Variants in IL36B observed in about 807,000 individuals in gnomAD.
The protein encoded by IL36B is interleukin 36 beta.
IL36B carries 23 observed loss-of-function variants against 19.3 expected under a neutral mutation model. That is an observed-to-expected ratio of 1.19 (90% confidence interval 0.86 to 1.69). The LOEUF (loss-of-function observed/expected upper bound fraction) is 1.69, where lower values mean the gene tolerates loss of function less well. Among genes scored for constraint, IL36B ranks in the 40% most tolerant of loss-of-function variants. The probability of loss-of-function intolerance (pLI) is 0.00; values close to 1 mark genes in which losing one functional copy is unlikely to be tolerated. For missense variants in IL36B, 217 were observed against 200.5 expected (o/e 1.08, Z -0.50); for synonymous variants, 59 against 59.7 (o/e 0.99, Z 0.05).
At chr2:113,029,109 T>C (rs764574217) in intron 3 of IL36B, 31 bp from the exon 4 acceptor site, 1 of 1,603,602 alleles carries the variant, frequency 6.2e-7, no homozygotes, top group Admixed American at 1.7e-5. Flanking sequence ...GGAGAAGATG[T>C]TTCAGTCTTT....
intron 4 of IL36B, chr2:113,028,042 C>A (rs1393702191): frequency 6.2e-7 from 1 of 1,613,900 alleles, no homozygotes; most frequent in Non-Finnish European, 8.5e-7. Context: ...AGAAGTGGAG[C>A]CTTCTTTATT....
chr2:113,047,652 G>C lies in IL36B; in HGVS notation c.-58+5165C>G, dbSNP rs34645153. Among the ~76,000 whole-genome samples the C allele has an allele frequency of 2.6e-3, 396 of 152,308 alleles. 3 individuals are homozygous for C. The highest frequency in any genetic ancestry group is 9.0e-3 in the African/African-American group (376 of 41,556). On this transcript the variant is annotated intron_variant, in intron 1 of 5. Transcript: ENST00000259213. ...GGGAATGATAAGGTTTTCCAGGCCA[G>C]ACAGTGGGAACAGGTATTGTGACCT...
chr2:113,024,650 G>A (rs1684921093), intron 5 of IL36B, among the ~76,000 whole-genome samples: 4 of 152,148 alleles, frequency 2.6e-5, no homozygotes, highest in Admixed American at 2.6e-4. Flanking sequence ...CCATCACAAT[G>A]TCCTCACTCC....
At chr2:113,029,195 C>A (rs750441893) in intron 3 of IL36B, 117 bp from the exon 4 acceptor site, 2 of 941,858 alleles carry the variant, frequency 2.1e-6, no homozygotes, top group Non-Finnish European at 3.1e-6. Context: ...TGGCAGAGAC[C>A]CTCCATCACC....
chr2:113,051,859 C>T (rs779176157), intron 1 of IL36B, among the ~76,000 whole-genome samples: 26 of 152,110 alleles, frequency 1.7e-4, no homozygotes, highest in Admixed American at 2.6e-4. Context: ...TGATAAATTC[C>T]GTCCAACCCA....
chr2:113,030,859 AT>A (rs1685062036), intron 3 of IL36B, among the ~76,000 whole-genome samples, 188 bp downstream of exon 3: 2 of 152,230 alleles, frequency 1.3e-5, no homozygotes, highest in South Asian at 4.1e-4. Flanking sequence ...TCACACCCTC[AT>A]TTCTAGATAT....
intron 5 of IL36B, among the ~76,000 whole-genome samples, chr2:113,025,227 G>A (rs1469063834): frequency 1.3e-5 from 2 of 152,178 alleles, no homozygotes; most frequent in Non-Finnish European, 2.9e-5. Flanking sequence ...AAGGGGAAGA[G>A]GAGGAAGAAT....
intron 1 of IL36B, among the ~76,000 whole-genome samples, chr2:113,040,432 A>G (rs545099470): frequency 1.3e-5 from 2 of 152,226 alleles, no homozygotes; most frequent in Non-Finnish European, 2.9e-5. Context: ...AAAATACACA[A>G]GAAATAGAAA....
chr2:113,039,415 T>C (rs966798293), intron 1 of IL36B, among the ~76,000 whole-genome samples: 1 of 152,214 alleles, frequency 6.6e-6, no homozygotes, highest in Non-Finnish European at 1.5e-5. Flanking sequence ...TAACTTTGTG[T>C]TTAGTTAAGT....
At chr2:113,026,258 G>A (rs1485757353) in intron 4 of IL36B, 2 of 1,612,832 alleles carry the variant, frequency 1.2e-6, no homozygotes, top group East Asian at 4.5e-5. Context: ...GTTCAATGTT[G>A]CTGAGATAAT....
At position 113,029,287 on chromosome 2, in the gene IL36B, A is replaced by C. The variant is rs1685024889; in HGVS notation, c.122-209T>G. ...GACATGTTGCTTCCCAAAAAGAAGT[A>C]AAATTTCCTACCACACTTGCAGCAA... On this transcript the variant is annotated intron_variant, in intron 3 of 5. Coordinates refer to ENST00000259213, the MANE Select transcript of IL36B (RefSeq NM_014438.5). Among the ~76,000 whole-genome samples, 2 of 152,208 alleles carry C rather than the reference A, an allele frequency of 1.3e-5. 1 individual carries two copies. Among genetic ancestry groups the C allele is most frequent in the South Asian group, 4.1e-4 (2 of 4,832 alleles).
At chr2:113,050,758 AG>A (rs1685428840) in intron 1 of IL36B, among the ~76,000 whole-genome samples, 1 of 152,212 alleles carries the variant, frequency 6.6e-6, no homozygotes, top group African/African-American at 2.4e-5. Flanking sequence ...TCTGTTTTTG[AG>A]GAGCCCACGA....
intron 1 of IL36B, among the ~76,000 whole-genome samples, chr2:113,041,355 A>G (rs1685253730): frequency 6.6e-6 from 1 of 152,206 alleles, no homozygotes; most frequent in East Asian, 1.9e-4. Context: ...AGAAAGAGAT[A>G]CCTTTTAAAC....
At chr2:113,048,742 C>T (rs183667855) in intron 1 of IL36B, among the ~76,000 whole-genome samples, 18 of 152,040 alleles carry the variant, frequency 1.2e-4, no homozygotes, top group Admixed American at 1.1e-3. Flanking sequence ...GACTAATTAC[C>T]AGTTTCATGA....
At chr2:113,045,225 T>C (rs1685330034) in intron 1 of IL36B, among the ~76,000 whole-genome samples, 1 of 152,220 alleles carries the variant, frequency 6.6e-6, no homozygotes, top group South Asian at 2.1e-4. Context: ...TTTGAAAGAT[T>C]TTTTGCTGGT....
chr2:113,040,154 A>G (rs1685230253), intron 1 of IL36B, among the ~76,000 whole-genome samples: 1 of 152,260 alleles, frequency 6.6e-6, no homozygotes, highest in Admixed American at 6.5e-5. Context: ...AATGGAATAA[A>G]GGAGAAATGC....
At chr2:113,029,997 C>G in intron 3 of IL36B, among the ~76,000 whole-genome samples, 1 of 152,192 alleles carries the variant, frequency 6.6e-6, no homozygotes, top group South Asian at 2.1e-4. Context: ...CTTTGGGAGG[C>G]TGAGGTGGGC....
At chr2:113,044,356 A>G (rs903289192) in intron 1 of IL36B, among the ~76,000 whole-genome samples, 1 of 151,238 alleles carries the variant, frequency 6.6e-6, no homozygotes, top group East Asian at 2.0e-4. Flanking sequence ...CAGTGGCATG[A>G]TCATTAGTTC....
intron 1 of IL36B, among the ~76,000 whole-genome samples, chr2:113,046,214 T>C (rs1573377385): frequency 6.1e-5 from 1 of 16,298 alleles, no homozygotes; most frequent in South Asian, 5.1e-3. Context: ...TTTTCTTTTT[T>C]TTTTTTTTTT....
Sources: gnomAD v4.1 joint callset for allele counts (sites outside exome capture counted in the v4.1 genomes callset) on GRCh38, gnomAD v4.1.1 for gene constraint, MANE v1.5 for transcripts, NCBI Gene and HGNC (gene_info 2026-07-23, HGNC 2026-07-21) for gene names.